LRRC75A: variants seen among roughly 807,000 people sequenced by gnomAD.
LRRC75A encodes leucine rich repeat containing 75A, also known as leucine-rich repeat-containing protein 75A.
LRRC75A carries 12 observed loss-of-function variants against 26.0 expected under a neutral mutation model. The ratio of observed to expected loss-of-function variants is 0.46; its 90% CI spans 0.30 to 0.75. The LOEUF (loss-of-function observed/expected upper bound fraction) is 0.75. Ranked by LOEUF, LRRC75A falls within the 30% of genes least tolerant of loss-of-function variation. LRRC75A has a pLI of 0.08. For synonymous variants in LRRC75A, 223 were observed against 219.3 expected (o/e 1.02, Z -0.15); for missense variants, 410 against 486.6 (o/e 0.84, Z 1.48).
At position 16,442,720 on chromosome 17, in the gene LRRC75A, A is replaced by G. The variant is rs1367709582; in HGVS notation, c.*868T>C. 1 of 152,182 alleles carries G rather than the reference A, an allele frequency of 6.6e-6. No homozygotes were observed. Among genetic ancestry groups the G allele is most frequent in the Non-Finnish European group, 1.5e-5 (1 of 68,046 alleles). The allele number at this position is 152,182 out of a possible 1,614,324, so 9.4% of individuals were successfully genotyped here. A position where few individuals can be genotyped will look rare whatever the true frequency, so the allele number is the denominator to read the frequency against. On this transcript the variant is annotated 3_prime_UTR_variant, in exon 4 of 4. Coordinates refer to ENST00000470794, the MANE Select transcript of LRRC75A (RefSeq NM_001113567.3). ...GATTACTTAAGAGTTATGGGGAAAG[A>G]GTTCTTACGGCCTGTCTAGGTCAGT...
At chr17:16,472,315 A>G (rs1312362849) in intron 1 of LRRC75A, among the ~76,000 whole-genome samples, 1 of 152,082 alleles carries the variant, frequency 6.6e-6, no homozygotes, top group African/African-American at 2.4e-5. Context: ...GGCGAGAGGA[A>G]CCACAAAAGA....
intron 1 of LRRC75A, among the ~76,000 whole-genome samples, chr17:16,481,539 T>C (rs117128977): frequency 2.6e-5 from 4 of 152,238 alleles, no homozygotes; most frequent in East Asian, 3.9e-4. Flanking sequence ...GGCCCTTCCA[T>C]AGGAATGCAG....
chr17:16,491,629 C>A lies in LRRC75A; in HGVS notation c.246+116G>T. 1 of 726,152 alleles carries A rather than the reference C, an allele frequency of 1.4e-6. No individual in the cohort carries two copies. Among genetic ancestry groups the A allele is most frequent in the South Asian group, 5.5e-5 (1 of 18,332 alleles). 45.0% of individuals were successfully genotyped at this position (726,152 alleles called of 1,614,324 possible). ...CAGGGCTCCATCCCCGCGGAAGGGG[C>A]CCCTGGGCGGTGCCCCTCGGTGCCC... On this transcript the variant is annotated intron_variant, in intron 1 of 3. Coordinates refer to ENST00000470794, the MANE Select transcript of LRRC75A (RefSeq NM_001113567.3). The surrounding 1 kb of genome is among the most constrained non-coding windows in gnomAD (Gnocchi z 5.9).
chr17:16,488,638 C>T (rs1004581235), intron 1 of LRRC75A, among the ~76,000 whole-genome samples: 10 of 152,196 alleles, frequency 6.6e-5, no homozygotes, highest in Non-Finnish European at 1.0e-4. Context: ...GACCGGAAGG[C>T]GAGCTGCCTA....
intron 2 of LRRC75A, among the ~76,000 whole-genome samples, chr17:16,459,136 G>T (rs917439735): frequency 6.6e-6 from 1 of 152,198 alleles, no homozygotes; most frequent in South Asian, 2.1e-4. Context: ...TATGTTGCCT[G>T]CTTCCTGCCT....
At chr17:16,451,876 C>T (rs1354793193) in intron 2 of LRRC75A, among the ~76,000 whole-genome samples, 1 of 151,392 alleles carries the variant, frequency 6.6e-6, no homozygotes, top group Non-Finnish European at 1.5e-5. Flanking sequence ...TCTCCAGTAG[C>T]TGGGACTACA....
At chr17:16,448,519 G>A (rs1170659729) in intron 2 of LRRC75A, among the ~76,000 whole-genome samples, 2 of 152,182 alleles carry the variant, frequency 1.3e-5, no homozygotes, top group African/African-American at 2.4e-5. Flanking sequence ...ATTCACATGC[G>A]TTCCTGTCAG....
intron 2 of LRRC75A, among the ~76,000 whole-genome samples, chr17:16,454,688 T>C (rs2093662440): frequency 6.6e-6 from 1 of 152,142 alleles, no homozygotes; most frequent in Non-Finnish European, 1.5e-5. Flanking sequence ...CAAAATTCCG[T>C]TTTAAAATAA....
At chr17:16,481,098 G>A (rs888063335) in intron 1 of LRRC75A, among the ~76,000 whole-genome samples, 1 of 152,254 alleles carries the variant, frequency 6.6e-6, no homozygotes, top group Non-Finnish European at 1.5e-5. Context: ...CAGTGAGGGA[G>A]AGGGGCAGAG....
rs767152832 is a variant in LRRC75A, at chr17:16,462,323, G to C, written c.310C>G (p.Leu104Val). The C allele has an allele frequency of 6.2e-7, 1 of 1,614,204 alleles. No individual in the cohort carries two copies. ...AGGTCGTGTGTGATGGGGTCCACCAGGTTCCGGAAGCTGGCGTAGCGATAC... is the reference window on the plus strand; with the variant it reads ...AGGTCGTGTGTGATGGGGTCCACCACGTTCCGGAAGCTGGCGTAGCGATAC... ...VLYRYASFRN[L>V]VDPITHDLII... The change falls in exon 2 of 4, where the codon CTG (leucine) becomes GTG (valine). Residue 104 changes from leucine (L) to valine (V), a missense_variant. Leu to Val is a conservative substitution (Grantham distance 32, BLOSUM62 1). Transcript: ENST00000470794. The surrounding 1 kb of genome is among the most constrained non-coding windows in gnomAD (Gnocchi z 4.6).
intron 1 of LRRC75A, among the ~76,000 whole-genome samples, chr17:16,490,334 A>T (rs547390210): frequency 6.6e-6 from 1 of 152,312 alleles, no homozygotes; most frequent in South Asian, 2.1e-4. Flanking sequence ...AGTTACTATA[A>T]AGGCCATATG....
intron 2 of LRRC75A, among the ~76,000 whole-genome samples, chr17:16,450,986 G>A (rs1006917731): frequency 2.0e-5 from 3 of 152,106 alleles, no homozygotes; most frequent in African/African-American, 7.2e-5. Flanking sequence ...TGCTCATGTG[G>A]GGCCATGGTA....
chr17:16,443,644 C>G lies in LRRC75A; in HGVS notation c.979G>C (p.Ala327Pro). 5 of 1,557,326 alleles carry G rather than the reference C, an allele frequency of 3.2e-6. No individual in the cohort carries two copies. Among genetic ancestry groups the G allele is most frequent in the Non-Finnish European group, 4.3e-6 (5 of 1,149,902 alleles). ...GQEDPGGGPV[A>P]PAEDHHEGKE... ...CCCTCATGGTGGTCTTCGGCAGGTG[C>G]CACAGGGCCCCCTCCAGGGTCCTCC... The change falls in exon 4 of 4, where the codon GCA becomes CCA. Residue 327 changes from alanine to proline, a missense_variant. Coordinates refer to ENST00000470794, the MANE Select transcript of LRRC75A (RefSeq NM_001113567.3).
chr17:16,451,422 A>T (rs1263205913), intron 2 of LRRC75A, among the ~76,000 whole-genome samples: 1 of 152,068 alleles, frequency 6.6e-6, no homozygotes, highest in Non-Finnish European at 1.5e-5. Context: ...GGAGTTCGAG[A>T]TCAGCCTGGC....
rs1379234542 is a variant in LRRC75A at position 16,443,979 on chromosome 17, G to A, written c.644C>T (p.Thr215Met). 9 of 1,613,592 alleles carry A rather than the reference G, an allele frequency of 5.6e-6. No homozygotes were observed. Among genetic ancestry groups the A allele is most frequent in the African/African-American group, 4.0e-5 (3 of 74,918 alleles). Residue 215 changes from threonine (T) to methionine (M), a missense_variant, in exon 4 of 4, where the codon ACG becomes ATG. Thr to Met is a moderately conservative substitution (Grantham distance 81). Transcript: ENST00000470794. ...CAGCAGCTGCAGGACCATGTCGTCC[G>A]TGAGGCCTGTGAAGCCCAGCTCCAC... ...DSVELGFTGL[T>M]DDMVLQLLPA...
chr17:16,457,328 T>C (rs2093693273), intron 2 of LRRC75A, among the ~76,000 whole-genome samples: 2 of 152,222 alleles, frequency 1.3e-5, no homozygotes, highest in African/African-American at 4.8e-5. Flanking sequence ...TGTTTCCTCT[T>C]GCCCCACAGT....
At chr17:16,451,621 CAAA>C (rs1047064470) in intron 2 of LRRC75A, among the ~76,000 whole-genome samples, 3 of 83,296 alleles carry the variant, frequency 3.6e-5, no homozygotes, top group East Asian at 5.1e-4. Flanking sequence ...GACTCCATCT[CAAA>C]AAAAAAAATA....
chr17:16,484,478 A>AG lies in LRRC75A; in HGVS notation c.246+7266dup, dbSNP rs545176856. ...TCCCTAATGCCTGCTCTCCTGCCCA[A>AG]GGCACGGCTGACACTCAGACAATCA... On this transcript the variant is annotated intron_variant, in intron 1 of 3. Transcript: ENST00000470794. Among the ~76,000 whole-genome samples the AG allele has an allele frequency of 2.2e-3, 331 of 152,306 alleles. 6 individuals are homozygous for AG. The South Asian group carries it at 0.033, about 15-fold the overall frequency.
intron 2 of LRRC75A, among the ~76,000 whole-genome samples, chr17:16,456,119 T>C (rs115735126): frequency 0.019 from 866 of 45,042 alleles, 19 homozygotes; most frequent in African/African-American, 0.076. Context: ...GGAGGAGGAG[T>C]AGCAGTAGTA....
Sources: allele counts gnomAD v4.1 joint callset (sites outside exome capture counted in the v4.1 genomes callset), GRCh38; gene constraint gnomAD v4.1.1; non-coding constraint Gnocchi (gnomAD v3.1); transcripts MANE v1.5; gene names NCBI Gene and HGNC (gene_info 2026-07-23, HGNC 2026-07-21).